The following RGS12 variants were observed in gnomAD, a reference collection of about 807,000 sequenced individuals.
The protein encoded by RGS12 is regulator of G protein signaling 12.
A neutral mutation model predicts 120.1 loss-of-function variants in RGS12; 66 were observed. The observed-to-expected ratio is 0.55, with a 90% CI of 0.45 to 0.67. RGS12 has a LOEUF of 0.67. Among genes scored for constraint, RGS12 ranks in the 30% least tolerant of loss-of-function variants. The pLI, the probability that RGS12 is intolerant of heterozygous loss-of-function variation, is 0.00. For missense variants in RGS12, 1,859 were observed against 1,957.7 expected, an observed-to-expected ratio of 0.95 and a Z score of 0.95; for synonymous variants, 827 against 804.7, an observed-to-expected ratio of 1.03 and a Z score of -0.47.
At chr4:3,342,538 C>A (rs1050424429) in intron 2 of RGS12, 25 of 1,293,684 alleles carry the variant, frequency 1.9e-5, no homozygotes, top group Non-Finnish European at 2.3e-5. Flanking sequence ...AACCTGCCTT[C>A]ATCTTTACTA....
chr4:3,362,511 T>C (rs1170272827), intron 3 of RGS12, among the ~76,000 whole-genome samples: 6 of 119,640 alleles, frequency 5.0e-5, no homozygotes, highest in Non-Finnish European at 1.0e-4. Flanking sequence ...GGTGCGAGGA[T>C]CAGTGTGTGT....
chr4:3,362,994 T>G (rs1396515840), intron 3 of RGS12, among the ~76,000 whole-genome samples: 1 of 150,548 alleles, frequency 6.6e-6, no homozygotes, highest in East Asian at 2.0e-4. Context: ...TGTATATGTG[T>G]GAGAGTGTGC....
intron 2 of RGS12, among the ~76,000 whole-genome samples, chr4:3,334,070 G>A (rs1712181548): frequency 6.6e-6 from 1 of 152,002 alleles, no homozygotes; most frequent in Admixed American, 6.5e-5. Context: ...TTTAAAAATT[G>A]TAAATGCTTC....
rs1039280492 is a variant in RGS12 at position 3,295,706 on chromosome 4, A to G, written c.-102+2607A>G. Among the ~76,000 whole-genome samples the G allele has an allele frequency of 9.4e-4, 143 of 151,924 alleles. 1 individual carries two copies. The highest frequency in any genetic ancestry group is 3.3e-3 in the African/African-American group (138 of 41,450). ...AGCTCCATCTCAAAAACAAAGACAA[A>G]CCAACAACAACAACAACAAAAAGCA... On this transcript the variant is annotated intron_variant, in intron 1 of 17. Transcript: ENST00000336727.
chr4:3,290,386 C>T (rs78471473), upstream of RGS12, among the ~76,000 whole-genome samples: 1,444 of 152,308 alleles, frequency 9.5e-3, 29 homozygotes, highest in East Asian at 0.029. Context: ...TCTTCTCCCC[C>T]GCCCCTGCCA....
chr4:3,432,235 A>G, intron 17 of RGS12: 1 of 883,672 alleles, frequency 1.1e-6, no homozygotes, highest in Non-Finnish European at 1.4e-6. Context: ...GAAAATAATA[A>G]AAGTATTTTA....
intron 3 of RGS12, among the ~76,000 whole-genome samples, chr4:3,356,593 T>G (rs1162823627): frequency 2.1e-5 from 3 of 145,766 alleles, no homozygotes; most frequent in African/African-American, 7.6e-5. Context: ...TGATTTGGAC[T>G]ATTCTAGGTA....
In RGS12 at chr4:3,297,956, A is replaced by G. The variant is rs138523108; in HGVS notation, c.-102+4857A>G. ...GAAAACATCTTTATTTTACTCTCCA[A>G]TTACCTTTTAACTTAGCTGGGTATA... On this transcript the variant is annotated intron_variant, in intron 1 of 17. Coordinates refer to ENST00000336727, the MANE Select transcript of RGS12 (RefSeq NM_001394154.1). 3.4e-3 allele frequency among the ~76,000 whole-genome samples: 517 copies of G among 152,192 alleles called. 4 individuals carry two copies. The highest frequency in any genetic ancestry group is 0.024 in the Middle Eastern group (7 of 294).
chr4:3,430,466 C>T lies in RGS12; in HGVS notation c.3625C>T (p.Leu1209=). The T allele has an allele frequency of 1.2e-6, 2 of 1,613,906 alleles. No individual in the cohort carries two copies. Among genetic ancestry groups the T allele is most frequent in the Non-Finnish European group, 1.7e-6 (2 of 1,180,002 alleles). ...CAGAGCAGATGACCAACGTGGGCTG[C>T]TAAGGAAGGAAGACCTGGTGTTGCC... ...SNRADDQRGL[L]RKEDLVLPEF... is the part of the protein sequence containing the mutation. The change falls in exon 17 of 18, where the codon CTA becomes TTA. Residue 1209 remains leucine (L), a synonymous_variant. Transcript: ENST00000336727.
At chr4:3,287,871 G>A in the RGS12 span, among the ~76,000 whole-genome samples, 3 of 152,180 alleles carry the variant, frequency 2.0e-5, no homozygotes, top group Admixed American at 1.3e-4. Context: ...TTTGTCCCAC[G>A]GGGCCTGGGT....
chr4:3,363,892 G>A (rs540607489), intron 3 of RGS12, among the ~76,000 whole-genome samples: 1 of 152,204 alleles, frequency 6.6e-6, no homozygotes, highest in South Asian at 2.1e-4. Context: ...AGGAGTGGGC[G>A]GGGGAAGCTG....
chr4:3,344,105 G>A (rs1417308223), intron 3 of RGS12, among the ~76,000 whole-genome samples: 3 of 152,164 alleles, frequency 2.0e-5, no homozygotes, highest in African/African-American at 7.2e-5. Context: ...CTGCATGAGC[G>A]GTGTGGCCAG....
intron 3 of RGS12, among the ~76,000 whole-genome samples, chr4:3,343,879 C>T (rs1326115629): frequency 6.6e-6 from 1 of 152,222 alleles, no homozygotes; most frequent in Non-Finnish European, 1.5e-5. Context: ...TATTCTAGAA[C>T]ATGTGTCATG....
chr4:3,298,781 A>G (rs965557860), intron 1 of RGS12, among the ~76,000 whole-genome samples: 2 of 152,174 alleles, frequency 1.3e-5, no homozygotes, highest in African/African-American at 4.8e-5. Context: ...AGTTTCGTGC[A>G]TTTTAAAATT....
intron 1 of RGS12, among the ~76,000 whole-genome samples, chr4:3,302,135 A>G (rs766553631): frequency 2.6e-5 from 4 of 152,206 alleles, no homozygotes; most frequent in Non-Finnish European, 5.9e-5. Flanking sequence ...AGGAGGTTTG[A>G]CCTTCAGTGT....
Position 3,423,601 on chromosome 4 carries a change from C to A in RGS12, c.3194C>A (p.Ala1065Asp). The change falls in exon 13 of 18, where the codon GCC (alanine) becomes GAC (aspartate). Residue 1065 changes from alanine to aspartate, a missense_variant. Transcript: ENST00000336727. ...PVTEVLRPVV[A>D]RYGLDLSGLL... ...ACGGAGGTGCTGCGGCCCGTGGTGG[C>A]CAGATACGGCCTGGACCTCAGTGGC... is the stretch of plus-strand genomic sequence containing the variant. 1.2e-6 allele frequency: 2 copies of A among 1,611,724 alleles called. No homozygotes were observed. Among genetic ancestry groups the A allele is most frequent in the Non-Finnish European group, 1.7e-6 (2 of 1,179,918 alleles).
chr4:3,294,843 G>A (rs966028572), intron 1 of RGS12, among the ~76,000 whole-genome samples: 17 of 152,198 alleles, frequency 1.1e-4, no homozygotes, highest in Admixed American at 3.9e-4. Flanking sequence ...AGTGGTGACC[G>A]GAGGTCTCAG....
At chr4:3,421,992 GGGA>G (rs1342131194) in intron 10 of RGS12, among the ~76,000 whole-genome samples, 5 of 152,212 alleles carry the variant, frequency 3.3e-5, no homozygotes, top group African/African-American at 1.2e-4. Context: ...GATGTGCATG[GGGA>G]GCTGTGTATA....
chr4:3,328,775 G>A (rs1711523153), intron 2 of RGS12, among the ~76,000 whole-genome samples: 1 of 152,198 alleles, frequency 6.6e-6, no homozygotes, highest in African/African-American at 2.4e-5. Flanking sequence ...TGTTGGGAGT[G>A]TTGGTTTATA....
Sources: gnomAD v4.1 joint callset for allele counts (sites outside exome capture counted in the v4.1 genomes callset) on GRCh38, gnomAD v4.1.1 for gene constraint, MANE v1.5 for transcripts, NCBI Gene and HGNC (gene_info 2026-07-23, HGNC 2026-07-21) for gene names.